The following CASS4 variants were observed in gnomAD, a reference collection of about 807,000 sequenced individuals.
CASS4 encodes the protein cas scaffolding protein family member 4.
Under a neutral mutation model 54.2 loss-of-function variants are expected in CASS4, and 22 were observed. The ratio of observed to expected loss-of-function variants is 0.41; its 90% CI spans 0.29 to 0.58. The LOEUF (loss-of-function observed/expected upper bound fraction) is 0.58. Among genes scored for constraint, CASS4 ranks in the 20% least tolerant of loss-of-function variants. CASS4 has a pLI of 0.36. For missense variants in CASS4, 854 were observed against 986.7 expected (o/e 0.87, Z 1.80); for synonymous variants, 409 against 391.5 (o/e 1.04, Z -0.53).
chr20:56,453,392 G>T, intron 5 of CASS4: 1 of 292,744 alleles, frequency 3.4e-6, no homozygotes, highest in South Asian at 1.1e-4. Flanking sequence ...TACCATATTA[G>T]AATTAAAAGG....
intron 1 of CASS4, among the ~76,000 whole-genome samples, chr20:56,416,056 G>A (rs1212909280): frequency 2.6e-5 from 4 of 152,194 alleles, no homozygotes; most frequent in East Asian, 1.9e-4. Context: ...TTTAGTTTTC[G>A]TGGGTTTTTT....
At chr20:56,413,170 T>TAAAA (rs879258639) in intron 1 of CASS4, among the ~76,000 whole-genome samples, 1 of 124,192 alleles carries the variant, frequency 8.1e-6, no homozygotes, top group African/African-American at 3.1e-5. Context: ...GACCCCATCT[T>TAAAA]AAAAAAAAAA....
intron 1 of CASS4, among the ~76,000 whole-genome samples, chr20:56,429,806 C>G (rs1979820830): frequency 6.6e-6 from 1 of 152,168 alleles, no homozygotes; most frequent in Non-Finnish European, 1.5e-5. Flanking sequence ...AAGCCCTCAC[C>G]CATCACTACT....
intron 2 of CASS4, among the ~76,000 whole-genome samples, chr20:56,440,741 T>C (rs1292091918): frequency 6.6e-6 from 1 of 152,242 alleles, no homozygotes; most frequent in Non-Finnish European, 1.5e-5. Flanking sequence ...AGATTTGTCC[T>C]TGATGTTAAG....
chr20:56,432,286 T>C (rs1312290018), intron 1 of CASS4, among the ~76,000 whole-genome samples: 1 of 151,746 alleles, frequency 6.6e-6, no homozygotes, highest in Non-Finnish European at 1.5e-5. Context: ...TGTTTTTTAC[T>C]GAACGGCAAT....
At position 56,432,895 on chromosome 20, in the gene CASS4, CA is replaced by C. The variant is rs1055095542; in HGVS notation, c.37-4268del. Among the ~76,000 whole-genome samples the C allele has an allele frequency of 1.6e-4, 20 of 126,994 alleles. 2 individuals are homozygous for C. Among genetic ancestry groups the C allele is most frequent in the African/African-American group, 7.3e-4 (16 of 21,904 alleles). The allele number at this position is 126,994 out of a possible 152,430, so 83.3% of individuals were successfully genotyped here. A position where few individuals can be genotyped will look rare whatever the true frequency, so the allele number is the denominator to read the frequency against. ...ACCGAAGGTCATCCAAAAGTGTGGG[CA>C]GGGGCGTCACAGAAATCTTCCCTCT... is the stretch of plus-strand genomic sequence containing the variant. On this transcript the variant is annotated intron_variant, in intron 1 of 5. Transcript: ENST00000679887.
chr20:56,414,275 C>T lies in CASS4; in HGVS notation c.36+1781C>T, dbSNP rs1392222228. On this transcript the variant is annotated intron_variant, in intron 1 of 5. Coordinates refer to ENST00000679887, the MANE Select transcript of CASS4 (RefSeq NM_020356.4). This position sits in a 1 kb window ranked among gnomAD's most constrained non-coding sequence, Gnocchi z 4.1. The stretch of plus-strand genomic sequence containing the variant: ...TCTTTCTGATCCAGGTGGTGTTTGT[C>T]AATTCTCAGTTCTTAATCTAGAACA... Among the ~76,000 whole-genome samples the T allele has an allele frequency of 2.0e-5, 3 of 152,102 alleles. No homozygotes were observed. The highest frequency in any genetic ancestry group is 4.4e-5 in the Non-Finnish European group (3 of 68,016).
chr20:56,444,311 C>G (rs1428160369), intron 2 of CASS4, among the ~76,000 whole-genome samples: 4 of 152,118 alleles, frequency 2.6e-5, no homozygotes, highest in Non-Finnish European at 5.9e-5. Context: ...ATATTGAAAC[C>G]CTAACATCCC....
At chr20:56,456,760 C>G in intron 5 of CASS4, among the ~76,000 whole-genome samples, 1 of 151,752 alleles carries the variant, frequency 6.6e-6, no homozygotes, top group East Asian at 1.9e-4. Flanking sequence ...CTCACTGCAG[C>G]CTCCACCACC....
chr20:56,432,355 CTTTTTTTTTTTT>C lies in CASS4; in HGVS notation c.37-4792_37-4781del, dbSNP rs922336949. Among the ~76,000 whole-genome samples, 17 of 101,072 alleles carry C rather than the reference CTTTTTTTTTTTT, an allele frequency of 1.7e-4. No homozygotes were observed. The East Asian group carries it at 1.8e-3, about 10-fold the overall frequency. 66.3% of individuals were successfully genotyped at this position (101,072 alleles called of 152,430 possible). On this transcript the variant is annotated intron_variant, in intron 1 of 5. Transcript: ENST00000679887. ...AAGTAGCATGTAAGTTTCATAAGTC[CTTTTTTTTTTTT>C]TTTTTTTTTTTTTTTTGAGAGACAG...
chr20:56,447,243 AAAG>A (rs1220536988), intron 3 of CASS4, among the ~76,000 whole-genome samples: 1 of 152,148 alleles, frequency 6.6e-6, no homozygotes, highest in African/African-American at 2.4e-5. Flanking sequence ...ATTAAAAAAA[AAAG>A]AAGTCACTTT....
Position 56,445,979 on chromosome 20 carries a change from A to G in CASS4, c.539A>G (p.His180Arg), listed in dbSNP as rs2146289567. ...CAGGTGTATGACGTGCCTACCCAGCACCGGGGCCCCGTGGTCCTGAAGGTG... is the reference window on the plus strand; with the variant it reads ...CAGGTGTATGACGTGCCTACCCAGCGCCGGGGCCCCGTGGTCCTGAAGGTG... ...PSQVYDVPTQ[H>R]RGPVVLKEPE... Residue 180 changes from histidine (H) to arginine (R), a missense_variant, in exon 3 of 6, where the codon CAC becomes CGC. Transcript: ENST00000679887. 6.2e-7 allele frequency: 1 copy of G among 1,613,814 alleles called. No individual in the cohort carries two copies. The highest frequency in any genetic ancestry group is 8.5e-7 in the Non-Finnish European group (1 of 1,179,994).
intron 1 of CASS4, among the ~76,000 whole-genome samples, chr20:56,418,354 G>A (rs750605783): frequency 6.6e-6 from 1 of 152,212 alleles, no homozygotes; most frequent in Non-Finnish European, 1.5e-5. Context: ...AACCAAGAGA[G>A]AGAGGGGTCA....
rs558608299 is a variant in CASS4, at chr20:56,450,663, C to G, written c.626C>G (p.Pro209Arg). The change falls in exon 4 of 6, where the codon CCA becomes CGA. Residue 209 changes from proline (P) to arginine (R), a missense_variant. Pro to Arg is a moderately radical substitution (Grantham distance 103, BLOSUM62 -2). Transcript: ENST00000679887. ...CCCAAGAAGGCAGGACTCCATCCCC[C>G]AGACAGCCAAGCAAGTGTAAGTATG... ...ASPKKAGLHPPDSQASGQGVP... is the reference protein window; with the variant it reads ...ASPKKAGLHPRDSQASGQGVP... 61 of 1,613,990 alleles carry G rather than the reference C, an allele frequency of 3.8e-5. No homozygotes were observed. Among genetic ancestry groups the G allele is most frequent in the South Asian group, 2.0e-4 (18 of 91,082 alleles).
At chr20:56,413,722 G>A (rs1979000885) in intron 1 of CASS4, among the ~76,000 whole-genome samples, 1 of 146,054 alleles carries the variant, frequency 6.8e-6, no homozygotes, top group African/African-American at 2.5e-5. Flanking sequence ...ATTTGTGACT[G>A]AGTAACCCAT....
At chr20:56,447,546 T>A (rs112875280) in intron 3 of CASS4, among the ~76,000 whole-genome samples, 5 of 152,334 alleles carry the variant, frequency 3.3e-5, no homozygotes, top group African/African-American at 1.2e-4. Flanking sequence ...GGCAAGCTGA[T>A]TCTTTCTCTT....
At chr20:56,421,471 A>G (rs1277547118) in intron 1 of CASS4, among the ~76,000 whole-genome samples, 6 of 152,114 alleles carry the variant, frequency 3.9e-5, no homozygotes, top group Non-Finnish European at 7.4e-5. Context: ...CTGCAGTGGG[A>G]GGATCGCTTG....
Position 56,437,517 on chromosome 20 carries a change from C to T in CASS4, c.390C>T (p.Val130=). The part of the protein sequence containing the change: ...AEGPQPPTAQ[V]YEFPDPPTSA... The stretch of plus-strand genomic sequence containing the variant: ...GGCCCCAGCCCCCTACTGCCCAAGT[C>T]TATGAATTCCCCGACCCTCCCACCA... Residue 130 remains valine (V), a synonymous_variant, in exon 2 of 6, where the codon GTC becomes GTT. Coordinates refer to ENST00000679887, the MANE Select transcript of CASS4 (RefSeq NM_020356.4). This position sits in a 1 kb window ranked among gnomAD's most constrained non-coding sequence, Gnocchi z 4.7. The T allele has an allele frequency of 6.3e-7, 1 of 1,587,266 alleles. No individual in the cohort carries two copies. The highest frequency in any genetic ancestry group is 8.6e-7 in the Non-Finnish European group (1 of 1,167,234).
intron 2 of CASS4, among the ~76,000 whole-genome samples, chr20:56,441,067 C>A (rs1429042563): frequency 6.6e-6 from 1 of 150,668 alleles, no homozygotes; most frequent in African/African-American, 2.5e-5. Flanking sequence ...CGGCTCACTG[C>A]AACCTCTGCC....
Sources: gnomAD v4.1 joint callset for allele counts (sites outside exome capture counted in the v4.1 genomes callset) on GRCh38, gnomAD v4.1.1 for gene constraint, Gnocchi (gnomAD v3.1) non-coding constraint, MANE v1.5 for transcripts, NCBI Gene and HGNC (gene_info 2026-07-23, HGNC 2026-07-21) for gene names.